Variants in OTUD7A observed in about 807,000 individuals in gnomAD.
OTUD7A encodes OTU deubiquitinase 7A, also known as OTU domain-containing protein 7A.
In OTUD7A, 12 loss-of-function variants were observed where a neutral mutation model predicts 65.7. That is an observed-to-expected ratio of 0.18 (90% CI 0.12 to 0.30). The LOEUF (loss-of-function observed/expected upper bound fraction) is 0.30. Ranked by LOEUF, OTUD7A falls within the 10% of genes least tolerant of loss-of-function variation. The pLI, the probability that OTUD7A is intolerant of heterozygous loss-of-function variation, is 1.00. For missense variants in OTUD7A, 1,148 were observed against 1,304.8 expected, an observed-to-expected ratio of 0.88 and a Z score of 1.85; for synonymous variants, 641 against 586.3, an observed-to-expected ratio of 1.09 and a Z score of -1.35.
chr15:31,548,469 G>C (rs189687829), intron 5 of OTUD7A, among the ~76,000 whole-genome samples: 1 of 152,096 alleles, frequency 6.6e-6, no homozygotes, highest in Non-Finnish European at 1.5e-5. Context: ...AGTTCCCAAC[G>C]CTCTGAGCTG....
chr15:31,605,323 G>A (rs908592184), intron 3 of OTUD7A, among the ~76,000 whole-genome samples: 2 of 152,164 alleles, frequency 1.3e-5, no homozygotes, highest in Non-Finnish European at 2.9e-5. Context: ...CAAGGACCCT[G>A]CATCAAAGGA....
intron 3 of OTUD7A, among the ~76,000 whole-genome samples, chr15:31,625,270 G>A (rs536037441): frequency 2.0e-5 from 3 of 152,226 alleles, no homozygotes; most frequent in African/African-American, 7.2e-5. Flanking sequence ...GTTACACCAC[G>A]CTTGGATTTA....
intron 3 of OTUD7A, among the ~76,000 whole-genome samples, chr15:31,586,706 T>C (rs1889549100): frequency 6.6e-6 from 1 of 152,116 alleles, no homozygotes; most frequent in Non-Finnish European, 1.5e-5. Context: ...ACCACTCCCC[T>C]TACACCACCC....
chr15:31,759,521 C>A (rs541451578), intron 1 of OTUD7A, among the ~76,000 whole-genome samples: 4 of 152,330 alleles, frequency 2.6e-5, no homozygotes, highest in African/African-American at 7.2e-5. Context: ...TGGCTTACCA[C>A]ATTGGCATGC....
At chr15:31,621,491 T>C (rs1206715079) in intron 3 of OTUD7A, among the ~76,000 whole-genome samples, 1 of 152,242 alleles carries the variant, frequency 6.6e-6, no homozygotes, top group Non-Finnish European at 1.5e-5. Context: ...TTAGCTTTTC[T>C]TGCTGAATTG....
At chr15:31,651,951 A>G (rs1456210557) in intron 3 of OTUD7A, among the ~76,000 whole-genome samples, 2 of 151,268 alleles carry the variant, frequency 1.3e-5, no homozygotes, top group Non-Finnish European at 2.9e-5. Flanking sequence ...TCAGCAAAAC[A>G]GTTTAGAGTA....
chr15:31,679,118 T>TG (rs978643242), intron 1 of OTUD7A, among the ~76,000 whole-genome samples: 2 of 152,218 alleles, frequency 1.3e-5, no homozygotes, highest in African/African-American at 2.4e-5. Context: ...TGGACTTGCA[T>TG]GGGGCCTGCA....
At chr15:31,549,979 A>G (rs948093266) in intron 5 of OTUD7A, among the ~76,000 whole-genome samples, 1 of 151,954 alleles carries the variant, frequency 6.6e-6, no homozygotes, top group African/African-American at 2.4e-5. Flanking sequence ...GGGCACCTGT[A>G]GTTCTGGCTA....
intron 1 of OTUD7A, among the ~76,000 whole-genome samples, chr15:31,792,950 T>C (rs1488976486): frequency 6.6e-6 from 1 of 152,098 alleles, no homozygotes; most frequent in Non-Finnish European, 1.5e-5. Context: ...CACACTGCCA[T>C]GCAGATGCTC....
At chr15:31,646,739 G>A (rs146652491) in intron 3 of OTUD7A, among the ~76,000 whole-genome samples, 5,815 of 152,156 alleles carry the variant, frequency 0.038, 274 homozygotes, top group African/African-American at 0.11. Context: ...GATTACAGGC[G>A]TGAGCCACCA....
At chr15:31,680,705 G>A (rs1055087927) in intron 1 of OTUD7A, among the ~76,000 whole-genome samples, 1 of 152,216 alleles carries the variant, frequency 6.6e-6, no homozygotes, top group Non-Finnish European at 1.5e-5. Flanking sequence ...TATTAAATAA[G>A]ATACAAGAAA....
chr15:31,784,347 C>T (rs1355449347), intron 1 of OTUD7A, among the ~76,000 whole-genome samples: 1 of 152,156 alleles, frequency 6.6e-6, no homozygotes, highest in Non-Finnish European at 1.5e-5. Flanking sequence ...TCTCACACTA[C>T]AACTAAAACA....
At chr15:31,780,268 G>A (rs910462708) in intron 1 of OTUD7A, among the ~76,000 whole-genome samples, 1 of 152,062 alleles carries the variant, frequency 6.6e-6, no homozygotes, top group Non-Finnish European at 1.5e-5. Context: ...GTTCAAACTA[G>A]CTCGTATTTT....
intron 3 of OTUD7A, among the ~76,000 whole-genome samples, chr15:31,570,955 T>A (rs1221354423): frequency 7.2e-5 from 11 of 152,196 alleles, no homozygotes; most frequent in Non-Finnish European, 1.2e-4. Flanking sequence ...CAGTTAGGCA[T>A]CATCCTATAG....
intron 1 of OTUD7A, among the ~76,000 whole-genome samples, chr15:31,758,164 C>T (rs1360927945): frequency 6.6e-6 from 1 of 152,262 alleles, no homozygotes; most frequent in East Asian, 1.9e-4. Flanking sequence ...CTCAAGATAG[C>T]TACCTCCTCT....
intron 5 of OTUD7A, among the ~76,000 whole-genome samples, chr15:31,554,337 G>A (rs1888422713): frequency 6.6e-6 from 1 of 152,202 alleles, no homozygotes; most frequent in Non-Finnish European, 1.5e-5. Context: ...CATTTCGTGG[G>A]CATTCAACAC....
intron 3 of OTUD7A, among the ~76,000 whole-genome samples, chr15:31,594,236 G>A (rs866197835): frequency 5.3e-5 from 8 of 152,190 alleles, no homozygotes; most frequent in Admixed American, 3.3e-4. Flanking sequence ...AGATCTGCAC[G>A]GTACTTAAGA....
intron 10 of OTUD7A, among the ~76,000 whole-genome samples, chr15:31,488,132 G>A (rs2041266601): frequency 1.3e-5 from 2 of 152,254 alleles, no homozygotes; most frequent in East Asian, 1.9e-4. Flanking sequence ...ATCTCATAAT[G>A]TCAGGTGGTG....
At chr15:31,524,482 G>A (rs979170485) in intron 8 of OTUD7A, among the ~76,000 whole-genome samples, 2 of 152,226 alleles carry the variant, frequency 1.3e-5, no homozygotes, top group Middle Eastern at 3.4e-3. Flanking sequence ...GAGTTTGAAA[G>A]GAGGGGAGAG....
Sources: gnomAD v4.1 joint callset for allele counts (sites outside exome capture counted in the v4.1 genomes callset) on GRCh38, gnomAD v4.1.1 for gene constraint, MANE v1.5 for transcripts, NCBI Gene and HGNC (gene_info 2026-07-23, HGNC 2026-07-21) for gene names.